The following DMRT1 variants were observed in gnomAD, a reference collection of about 807,000 sequenced individuals.
DMRT1 encodes the protein doublesex and mab-3 related transcription factor 1.
DMRT1 carries 7 observed loss-of-function variants against 32.3 expected under a neutral mutation model. That is an observed-to-expected ratio of 0.22 (90% CI 0.12 to 0.41). The LOEUF (loss-of-function observed/expected upper bound fraction) is 0.41, where lower values mean the gene tolerates loss of function less well. DMRT1 is among the 10% of genes least tolerant of loss of function. DMRT1 has a pLI of 1.00. For synonymous variants in DMRT1, 278 were observed against 206.1 expected (o/e 1.35, Z -2.99); for missense variants, 625 against 500.5 (o/e 1.25, Z -2.37).
chr9:870,074 G>A (rs1256482871), intron 2 of DMRT1, among the ~76,000 whole-genome samples: 1 of 152,136 alleles, frequency 6.6e-6, no homozygotes, highest in African/African-American at 2.4e-5. Context: ...ACCTTTTGGG[G>A]GCAAATTACT....
intron 4 of DMRT1, among the ~76,000 whole-genome samples, chr9:941,662 G>A (rs944566300): frequency 1.3e-5 from 2 of 151,976 alleles, no homozygotes; most frequent in African/African-American, 2.4e-5. Context: ...CTATTGAACT[G>A]TACACTTAAA....
At chr9:951,988 T>C (rs568475847) in intron 4 of DMRT1, among the ~76,000 whole-genome samples, 1 of 152,330 alleles carries the variant, frequency 6.6e-6, no homozygotes, top group East Asian at 1.9e-4. Flanking sequence ...GCTATGTATA[T>C]ATTTTTAAAA....
chr9:906,705 A>G (rs895804842), intron 3 of DMRT1, among the ~76,000 whole-genome samples: 1 of 152,226 alleles, frequency 6.6e-6, no homozygotes, highest in African/African-American at 2.4e-5. Flanking sequence ...GACAATCAAA[A>G]AAAAAGTTTA....
At chr9:891,433 AGAGT>A (rs1817145548) in intron 2 of DMRT1, among the ~76,000 whole-genome samples, 2 of 147,182 alleles carry the variant, frequency 1.4e-5, no homozygotes, top group African/African-American at 5.0e-5. Context: ...CCTGGGCGAC[AGAGT>A]GAGACCCTGT....
intron 2 of DMRT1, among the ~76,000 whole-genome samples, chr9:883,616 C>T (rs1663867961): frequency 6.6e-6 from 1 of 150,722 alleles, no homozygotes; most frequent in African/African-American, 2.5e-5. Flanking sequence ...CATAGCCTGA[C>T]CCTGTCTCTA....
intron 2 of DMRT1, among the ~76,000 whole-genome samples, chr9:848,005 A>G (rs1392057422): frequency 1.3e-5 from 2 of 152,202 alleles, no homozygotes; most frequent in African/African-American, 2.4e-5. Context: ...TGTGGGAGCT[A>G]TGAGACATCC....
At chr9:892,127 C>T (rs978205438) in intron 2 of DMRT1, among the ~76,000 whole-genome samples, 3 of 152,172 alleles carry the variant, frequency 2.0e-5, no homozygotes, top group Non-Finnish European at 4.4e-5. Flanking sequence ...GCCCTGAAGA[C>T]CTAGTTGTCT....
At chr9:879,672 G>A (rs941532937) in intron 2 of DMRT1, among the ~76,000 whole-genome samples, 5 of 152,132 alleles carry the variant, frequency 3.3e-5, no homozygotes, top group African/African-American at 1.2e-4. Context: ...CCATGCTAAC[G>A]AACATTTTGT....
At chr9:960,873 G>A (rs993832667) in intron 4 of DMRT1, among the ~76,000 whole-genome samples, 1 of 152,226 alleles carries the variant, frequency 6.6e-6, no homozygotes, top group African/African-American at 2.4e-5. Flanking sequence ...GACAAGGGAA[G>A]TGGAGTGGGG....
intron 2 of DMRT1, among the ~76,000 whole-genome samples, chr9:862,205 G>T (rs1435032292): frequency 6.6e-6 from 1 of 151,558 alleles, no homozygotes; most frequent in African/African-American, 2.4e-5. Context: ...ACTCCAGCCT[G>T]GGCAACACTG....
rs764515531 is a variant in DMRT1 at position 841,998 on chromosome 9, G to GGCGGCT, written c.161_166dup (p.Gly55_Ser56insCysGly). On this transcript the variant is annotated inframe_insertion, in exon 1 of 5. Coordinates refer to ENST00000382276, the MANE Select transcript of DMRT1 (RefSeq NM_021951.3). ...GAGCGCCGGGGGCAGCAGCAGAGGA[G>GGCGGCT]GCGGCTCCGGCTCCGGGGCGTCGGA... 1.3e-6 allele frequency: 2 copies of GGCGGCT among 1,562,408 alleles called. No homozygotes were observed. The highest frequency in any genetic ancestry group is 1.4e-5 in the African/African-American group (1 of 73,820).
intron 2 of DMRT1, among the ~76,000 whole-genome samples, chr9:852,414 G>A (rs1280229633): frequency 4.7e-5 from 6 of 126,874 alleles, no homozygotes; most frequent in Non-Finnish European, 9.9e-5. Flanking sequence ...TTTTTTTTTC[G>A]AAAGTTATTA....
chr9:889,476 C>T (rs7867920), intron 2 of DMRT1, among the ~76,000 whole-genome samples: 11,535 of 152,158 alleles, frequency 0.076, 934 homozygotes, highest in African/African-American at 0.21. Flanking sequence ...AAATAAAATA[C>T]GGGTAAGTGG....
intron 4 of DMRT1, among the ~76,000 whole-genome samples, chr9:935,870 C>T (rs1173071592): frequency 6.6e-6 from 1 of 152,150 alleles, no homozygotes; most frequent in African/African-American, 2.4e-5. Flanking sequence ...TTTTTTAATC[C>T]TGTGAATAGC....
At chr9:868,966 G>A (rs528700005) in intron 2 of DMRT1, among the ~76,000 whole-genome samples, 7 of 152,196 alleles carry the variant, frequency 4.6e-5, no homozygotes, top group South Asian at 4.1e-4. Context: ...AACCATGATC[G>A]TGCCACCTCA....
At chr9:966,136 T>A (rs1819923827) in intron 4 of DMRT1, among the ~76,000 whole-genome samples, 1 of 152,180 alleles carries the variant, frequency 6.6e-6, no homozygotes, top group South Asian at 2.1e-4. Context: ...TACATATATA[T>A]GACAACCAGG....
chr9:925,029 G>C (rs1054694035), intron 4 of DMRT1, among the ~76,000 whole-genome samples: 1 of 152,192 alleles, frequency 6.6e-6, no homozygotes, highest in Non-Finnish European at 1.5e-5. Context: ...CTGTAGTCTG[G>C]AAATAGCAAG....
At chr9:895,024 A>C (rs1817300254) in intron 3 of DMRT1, 2 of 152,226 alleles carry the variant, frequency 1.3e-5, no homozygotes, top group African/African-American at 4.8e-5. Flanking sequence ...CATGTTGACC[A>C]GGCTGGTCTT....
At chr9:916,600 G>C (rs896728668) in intron 3 of DMRT1, among the ~76,000 whole-genome samples, 163 bp from the exon 4 acceptor site, 2 of 152,160 alleles carry the variant, frequency 1.3e-5, no homozygotes, top group African/African-American at 4.8e-5. Context: ...TTGAACTCCT[G>C]GGCTCAAGCG....
Sources: allele counts gnomAD v4.1 joint callset (sites outside exome capture counted in the v4.1 genomes callset), GRCh38; gene constraint gnomAD v4.1.1; transcripts MANE v1.5; gene names NCBI Gene and HGNC (gene_info 2026-07-23, HGNC 2026-07-21).